ATIC: variants seen among roughly 807,000 people sequenced by gnomAD.
The protein encoded by ATIC is 5-aminoimidazole-4-carboxamide ribonucleotide formyltransferase/IMP cyclohydrolase.
In ATIC, 64 loss-of-function variants were observed where a neutral mutation model predicts 72.5. The ratio of observed to expected loss-of-function variants is 0.88; its 90% CI spans 0.72 to 1.09. The LOEUF (loss-of-function observed/expected upper bound fraction) is 1.09. Among genes scored for constraint, ATIC ranks in the 50% least tolerant of loss-of-function variants. ATIC has a pLI of 0.00. For missense variants in ATIC, 787 were observed against 732.4 expected, an observed-to-expected ratio of 1.07 and a Z score of -0.86; for synonymous variants, 281 against 267.1, an observed-to-expected ratio of 1.05 and a Z score of -0.51.
At chr2:215,356,837 C>T in the ATIC span, among the ~76,000 whole-genome samples, 11 of 152,256 alleles carry the variant, frequency 7.2e-5, no homozygotes, top group South Asian at 2.1e-3. Context: ...ATTCATTAGT[C>T]GATGGACATT....
At chr2:215,342,766 G>A (rs1227007688) in intron 12 of ATIC, among the ~76,000 whole-genome samples, 2 of 152,140 alleles carry the variant, frequency 1.3e-5, no homozygotes, top group Non-Finnish European at 2.9e-5. Flanking sequence ...TGCAATCTCC[G>A]CCTCCCGGGT....
At chr2:215,341,807 C>T (rs897629915) in intron 12 of ATIC, among the ~76,000 whole-genome samples, 1 of 152,110 alleles carries the variant, frequency 6.6e-6, no homozygotes, top group Non-Finnish European at 1.5e-5. Context: ...TGATCCCAAC[C>T]CAGGATGCCA....
In ATIC at chr2:215,349,206, A is replaced by C; in HGVS notation, c.1616A>C (p.Asp539Ala). ...EKLTEVSISS[D>A]AFFPFRDNVD... ...CTGACTGAAGTTTCTATCAGCTCTG[A>C]TGCCTTCTTCCCTTTCCGAGATAAC... The change falls in exon 15 of 16, where the codon GAT (aspartate) becomes GCT (alanine). Residue 539 changes from aspartate to alanine, a missense_variant. Asp to Ala is a moderately radical substitution (Grantham distance 126). Coordinates refer to ENST00000236959, the MANE Select transcript of ATIC (RefSeq NM_004044.7). 1 of 1,614,176 alleles carries C rather than the reference A, an allele frequency of 6.2e-7. No homozygotes were observed. Among genetic ancestry groups the C allele is most frequent in the South Asian group, 1.1e-5 (1 of 91,086 alleles).
At chr2:215,341,917 G>T (rs2053023525) in intron 12 of ATIC, among the ~76,000 whole-genome samples, 1 of 152,112 alleles carries the variant, frequency 6.6e-6, no homozygotes, top group Non-Finnish European at 1.5e-5. Flanking sequence ...ACACGGTTGG[G>T]GAGGCCTCAG....
rs1016051399 is a variant in ATIC at position 215,319,551 on chromosome 2, A to T, written c.224-114A>T. Reference sequence around the variant, plus strand: ...GAGTGAGACCATCTCAAAAAAATAAATTTTTTTTTTAATCAATGGGATTTA... The same window carrying T: ...GAGTGAGACCATCTCAAAAAAATAATTTTTTTTTTTAATCAATGGGATTTA... On this transcript the variant is annotated intron_variant, in intron 3 of 15. Coordinates refer to ENST00000236959, the MANE Select transcript of ATIC (RefSeq NM_004044.7). The T allele has an allele frequency of 3.5e-5, 28 of 797,778 alleles. 1 individual carries two copies. Among genetic ancestry groups the T allele is most frequent in the South Asian group, 9.2e-5 (6 of 65,496 alleles). 49.4% of individuals were successfully genotyped at this position (797,778 alleles called of 1,614,324 possible).
chr2:215,318,940 G>A (rs2052738965), intron 3 of ATIC, among the ~76,000 whole-genome samples: 1 of 151,626 alleles, frequency 6.6e-6, no homozygotes, highest in African/African-American at 2.4e-5. Context: ...GCAGTGGTGC[G>A]ATCATGGCTC....
intron 2 of ATIC, 132 bp from the exon 3 acceptor site, chr2:215,318,025 C>G (rs978004079): frequency 1.0e-5 from 8 of 798,748 alleles, no homozygotes; most frequent in Middle Eastern, 2.4e-4. Context: ...TAGTGAAATA[C>G]TTTAAAAAAT....
chr2:215,354,817 G>C, the ATIC span, among the ~76,000 whole-genome samples: 5 of 151,274 alleles, frequency 3.3e-5, no homozygotes, highest in Admixed American at 6.6e-5. Flanking sequence ...CTTTACTCAA[G>C]TGTTGTGGTA....
At chr2:215,345,728 G>C (rs2053064032) in intron 13 of ATIC, 1 of 152,318 alleles carries the variant, frequency 6.6e-6, no homozygotes, top group Non-Finnish European at 1.5e-5. Flanking sequence ...GTCTACTGGT[G>C]TCAGGTTCTA....
At chr2:215,338,656 AC>A (rs2052982894) in intron 11 of ATIC, 122 bp from the exon 12 acceptor site, 1 of 1,041,588 alleles carries the variant, frequency 9.6e-7, no homozygotes, top group South Asian at 1.6e-5. Context: ...AAATTAGAAA[AC>A]TGTAAAAAAT....
chr2:215,313,065 C>T (rs188013721), intron 2 of ATIC, among the ~76,000 whole-genome samples: 6 of 152,276 alleles, frequency 3.9e-5, no homozygotes, highest in Non-Finnish European at 8.8e-5. Flanking sequence ...CTACTGCACT[C>T]CATCCTGGGT....
downstream of ATIC, among the ~76,000 whole-genome samples, chr2:215,353,759 A>G (rs528044364): frequency 6.6e-6 from 1 of 152,102 alleles, no homozygotes; most frequent in Non-Finnish European, 1.5e-5. Flanking sequence ...ATGGGGTTTC[A>G]GAATGTTAGC....
chr2:215,331,384 T>TG (rs1204853721), intron 7 of ATIC, among the ~76,000 whole-genome samples: 148 of 100,270 alleles, frequency 1.5e-3, no homozygotes, highest in African/African-American at 5.0e-3. Context: ...TTTTTGGGTT[T>TG]TTTTTTTTTT....
chr2:215,365,893 T>C, the ATIC span: 1 of 188,180 alleles, frequency 5.3e-6, no homozygotes, highest in Non-Finnish European at 1.1e-5. Flanking sequence ...GTAACCTCCA[T>C]CTCCTGGGTT....
At chr2:215,349,060 G>C in intron 14 of ATIC, 34 bp from the exon 15 acceptor site, 1 of 1,613,418 alleles carries the variant, frequency 6.2e-7, no homozygotes, top group South Asian at 1.1e-5. Context: ...GACGATGTCA[G>C]ACCAAGCTTC....
intron 2 of ATIC, among the ~76,000 whole-genome samples, chr2:215,313,302 A>T (rs148631792): frequency 3.0e-4 from 45 of 152,322 alleles, no homozygotes; most frequent in Non-Finnish European, 5.7e-4. Flanking sequence ...CATCATGAAG[A>T]TTCCAATTTA....
At chr2:215,314,382 C>G (rs995471180) in intron 2 of ATIC, among the ~76,000 whole-genome samples, 1 of 152,136 alleles carries the variant, frequency 6.6e-6, no homozygotes, top group African/African-American at 2.4e-5. Context: ...CTCTTATAGT[C>G]CTTATAACAA....
At chr2:215,362,872 A>G in the ATIC span, 8 of 152,588 alleles carry the variant, frequency 5.2e-5, no homozygotes, top group African/African-American at 1.4e-4. Context: ...AAGCCAGTGC[A>G]TGGGAAGGCA....
chr2:215,346,503 C>T lies in ATIC; in HGVS notation c.1321-256C>T, dbSNP rs1346310736. ...CTTTTTTTTTTTTTTGACCTCAAAC[C>T]ATCAATTTTATTGAATTGTAGATTA... On this transcript the variant is annotated intron_variant, in intron 13 of 15. Coordinates refer to ENST00000236959, the MANE Select transcript of ATIC (RefSeq NM_004044.7). Among the ~76,000 whole-genome samples, 9 of 151,590 alleles carry T rather than the reference C, an allele frequency of 5.9e-5. No homozygotes were observed. In the East Asian group the frequency reaches 1.7e-3, roughly 29 times the overall value.
Sources: allele counts gnomAD v4.1 joint callset (sites outside exome capture counted in the v4.1 genomes callset), GRCh38; gene constraint gnomAD v4.1.1; transcripts MANE v1.5; gene names NCBI Gene and HGNC (gene_info 2026-07-23, HGNC 2026-07-21).